MROH1: variants seen among roughly 807,000 people sequenced by gnomAD.
MROH1 encodes maestro heat like repeat family member 1.
In MROH1, 117 loss-of-function variants were observed where a neutral mutation model predicts 116.5. The ratio of observed to expected loss-of-function variants is 1.00; its 90% CI spans 0.86 to 1.17. The LOEUF (loss-of-function observed/expected upper bound fraction) is 1.17. MROH1 is among the 50% of genes most tolerant of loss of function. MROH1 has a pLI of 0.00. For synonymous variants in MROH1, 921 were observed against 583.9 expected, an observed-to-expected ratio of 1.58 and a Z score of -8.32; for missense variants, 1,873 against 1,338.5, an observed-to-expected ratio of 1.40 and a Z score of -6.23.
intron 4 of MROH1, chr8:144,175,138 G>A: frequency 1.0e-6 from 1 of 985,398 alleles, no homozygotes; most frequent in Non-Finnish European, 1.2e-6. Context: ...GTCTGGTCAG[G>A]TGGGTATTAA....
chr8:144,199,298 C>A, intron 11 of MROH1, 98 bp downstream of exon 11: 2 of 1,306,004 alleles, frequency 1.5e-6, no homozygotes, highest in Admixed American at 2.0e-5. Context: ...GGGTACTGGT[C>A]GGGGATGAGG....
Position 144,219,984 on chromosome 8 carries a change from C to T in MROH1, c.1142-616C>T, listed in dbSNP as rs556963746. On this transcript the variant is annotated intron_variant, in intron 12 of 43. Coordinates refer to ENST00000326134, the MANE Select transcript of MROH1 (RefSeq NM_032450.3). ...CGTGACCCTTCTCTCCAAGGACTGT[C>T]GTGTGGGACAGCAGTCCTGTCCTGT... Among the ~76,000 whole-genome samples the T allele has an allele frequency of 5.9e-5, 9 of 152,358 alleles. No individual in the cohort carries two copies. The South Asian group carries it at 8.3e-4, about 14-fold the overall frequency.
Position 144,248,891 on chromosome 8 carries a change from C to T in MROH1, c.3135C>T (p.Arg1045=). 2.6e-6 allele frequency: 2 copies of T among 779,042 alleles called. No homozygotes were observed. Among genetic ancestry groups the T allele is most frequent in the East Asian group, 4.9e-5 (2 of 41,190 alleles). The allele number at this position is 779,042 out of a possible 1,614,324, so 48.3% of individuals were successfully genotyped here. A position where few individuals can be genotyped will look rare whatever the true frequency, so the allele number is the denominator to read the frequency against. Residue 1045 remains arginine (R), a synonymous_variant, in exon 32 of 44, where the codon CGC becomes CGT. Coordinates refer to ENST00000326134, the MANE Select transcript of MROH1 (RefSeq NM_032450.3). ...CTTCCTCCTAGATTATTGCCAAGCG[C>T]CTCCCCCCAGACCAGCTCATCAGCC... ...CHSVGQIIAK[R]LPPDQLISLL...
At chr8:144,177,364 C>T (rs1234484986) in intron 4 of MROH1, among the ~76,000 whole-genome samples, 1 of 152,244 alleles carries the variant, frequency 6.6e-6, no homozygotes. Flanking sequence ...AAGTGCGTGT[C>T]AAGTGGCTGG....
At chr8:144,193,419 T>C (rs1829109510) in intron 10 of MROH1, 1 of 152,284 alleles carries the variant, frequency 6.6e-6, no homozygotes, top group Non-Finnish European at 1.5e-5. Context: ...CCAGTACAAG[T>C]ACATTTGGAA....
intron 12 of MROH1, among the ~76,000 whole-genome samples, chr8:144,218,701 TCTCCCCTCCTGTCCCCC>T (rs1435279401): frequency 2.0e-5 from 1 of 48,940 alleles, no homozygotes; most frequent in Non-Finnish European, 4.0e-5. Flanking sequence ...TCTCCTCCCC[TCTCCCCTCCTGTCCCCC>T]CTCCCCTCCC....
chr8:144,215,865 T>A (rs1428836816), intron 12 of MROH1, among the ~76,000 whole-genome samples: 1 of 117,226 alleles, frequency 8.5e-6, no homozygotes, highest in Non-Finnish European at 1.7e-5. Flanking sequence ...AGAGCGAGAC[T>A]CTGTCGCAAA....
chr8:144,261,112 A>G lies in MROH1; in HGVS notation c.4672-2A>G. On this transcript the variant is annotated splice_acceptor_variant, in intron 41 of 43. Coordinates refer to ENST00000326134, the MANE Select transcript of MROH1 (RefSeq NM_032450.3). LOFTEE classifies it high-confidence loss of function. ...GGCGGCACTGACCAGGCCTCTCCCC[A>G]GATGCACCATTTCCCAGACCTGCTG... 2 of 775,204 alleles carry G rather than the reference A, an allele frequency of 2.6e-6. No individual in the cohort carries two copies. Among genetic ancestry groups the G allele is most frequent in the South Asian group, 2.7e-5 (2 of 74,544 alleles). The allele number at this position is 775,204 out of a possible 1,614,324, so 48.0% of individuals were successfully genotyped here.
At chr8:144,195,531 A>G (rs1829692275) in intron 10 of MROH1, among the ~76,000 whole-genome samples, 1 of 142,774 alleles carries the variant, frequency 7.0e-6, no homozygotes, top group South Asian at 2.4e-4. Context: ...AAAAAGAAAC[A>G]GAGTCTCACT....
intron 1 of MROH1, among the ~76,000 whole-genome samples, chr8:144,149,349 G>A (rs1816186001): frequency 6.6e-6 from 1 of 152,134 alleles, no homozygotes; most frequent in African/African-American, 2.4e-5. Flanking sequence ...AGGTGTTTTT[G>A]TTAACTTGAA....
intron 1 of MROH1, among the ~76,000 whole-genome samples, chr8:144,150,529 A>G (rs1226972510): frequency 6.6e-6 from 1 of 152,252 alleles, no homozygotes. Context: ...ACCAGCACCG[A>G]GTAGCCCCTG....
chr8:144,219,865 G>T (rs1836329759), intron 12 of MROH1, among the ~76,000 whole-genome samples: 1 of 152,210 alleles, frequency 6.6e-6, no homozygotes, highest in African/African-American at 2.4e-5. Context: ...TTAAGGCACT[G>T]GGTTCCAGGC....
rs542724125 is a variant in MROH1, at chr8:144,223,361, T to C, written c.1338+131T>C. On this transcript the variant is annotated intron_variant, in intron 14 of 43. Transcript: ENST00000326134. ...CTGCAGTCTGCGTGCGGAGGTGCCCTCTGCTGTCTTTTGTTTAATAGAGAC... is the reference window on the plus strand; with the variant it reads ...CTGCAGTCTGCGTGCGGAGGTGCCCCCTGCTGTCTTTTGTTTAATAGAGAC... The C allele has an allele frequency of 5.6e-5, 68 of 1,209,166 alleles. No individual in the cohort carries two copies. The African/African-American group carries it at 1.0e-3, about 18-fold the overall frequency. 74.9% of individuals were successfully genotyped at this position (1,209,166 alleles called of 1,614,324 possible).
At chr8:144,218,992 C>T (rs758276759) in intron 12 of MROH1, among the ~76,000 whole-genome samples, 6 of 137,094 alleles carry the variant, frequency 4.4e-5, no homozygotes, top group Non-Finnish European at 7.7e-5. Context: ...GCACTACTAC[C>T]CTTAGCTAAT....
Position 144,261,181 on chromosome 8 carries a change from G to C in MROH1, c.4739G>C (p.Trp1580Ser). The change falls in exon 42 of 44, where the codon TGG becomes TCG. Residue 1580 changes from tryptophan to serine, a missense_variant. Trp to Ser is a radical substitution (Grantham distance 177, BLOSUM62 -3). Coordinates refer to ENST00000326134, the MANE Select transcript of MROH1 (RefSeq NM_032450.3). ...TGCCTGTTCTACTTCAAGAGCAGCTGGGAGAACGTCCGAGCTGCTGCACCC... is the reference window on the plus strand; with the variant it reads ...TGCCTGTTCTACTTCAAGAGCAGCTCGGAGAACGTCCGAGCTGCTGCACCC... ...TTCLFYFKSS[W>S]ENVRAAAPLF... The C allele has an allele frequency of 1.3e-6, 1 of 768,874 alleles. No individual in the cohort carries two copies. The highest frequency in any genetic ancestry group is 2.4e-6 in the Non-Finnish European group (1 of 417,640). 47.6% of individuals were successfully genotyped at this position (768,874 alleles called of 1,614,324 possible). A position where few individuals can be genotyped will look rare whatever the true frequency, so the allele number is the denominator to read the frequency against.
intron 12 of MROH1, among the ~76,000 whole-genome samples, chr8:144,207,027 T>A (rs995417482): frequency 2.6e-5 from 4 of 151,588 alleles, no homozygotes; most frequent in Non-Finnish European, 4.4e-5. Context: ...AGCGAGATTC[T>A]GTCTCAATTA....
chr8:144,256,864 G>A (rs1472081440), intron 35 of MROH1, among the ~76,000 whole-genome samples: 9 of 152,260 alleles, frequency 5.9e-5, no homozygotes, highest in East Asian at 1.9e-4. Context: ...CTGTGCCTGC[G>A]CCATTTGCAG....
At position 144,261,057 on chromosome 8, in the gene MROH1, AG is replaced by A. The variant is rs1449703386; in HGVS notation, c.4671+18del. The stretch of plus-strand genomic sequence containing the variant: ...CAAGCACCTGGTGAGGGGTGGGGCC[AG>A]GCGGGGCGTGGTGGGTGGGGCGGGG... On this transcript the variant is annotated intron_variant, in intron 41 of 43. Coordinates refer to ENST00000326134, the MANE Select transcript of MROH1 (RefSeq NM_032450.3). 5.7e-6 allele frequency: 1 copy of A among 174,872 alleles called. No individual in the cohort carries two copies. Among genetic ancestry groups the A allele is most frequent in the Non-Finnish European group, 1.2e-5 (1 of 84,396 alleles). The allele number at this position is 174,872 out of a possible 1,614,324, so 10.8% of individuals were successfully genotyped here.
At chr8:144,239,403 C>T in intron 17 of MROH1, 40 bp downstream of exon 17, 1 of 780,480 alleles carries the variant, frequency 1.3e-6, no homozygotes, top group Non-Finnish European at 2.4e-6. Context: ...GCGCCCCACT[C>T]TGTGTCCCTG....
Sources: allele counts gnomAD v4.1 joint callset (sites outside exome capture counted in the v4.1 genomes callset), GRCh38; gene constraint gnomAD v4.1.1; transcripts MANE v1.5; gene names NCBI Gene and HGNC (gene_info 2026-07-23, HGNC 2026-07-21).